PTPRT: variants seen among roughly 807,000 people sequenced by gnomAD.
PTPRT encodes receptor-type tyrosine-protein phosphatase T.
A neutral mutation model predicts 176.8 loss-of-function variants in PTPRT; 56 were observed. The observed-to-expected ratio is 0.32, with a 90% CI of 0.26 to 0.40. The LOEUF (loss-of-function observed/expected upper bound fraction) is 0.40. Among genes scored for constraint, PTPRT ranks in the 10% least tolerant of loss-of-function variants. PTPRT has a pLI of 1.00. For synonymous variants in PTPRT, 783 were observed against 739.0 expected, an observed-to-expected ratio of 1.06 and a Z score of -0.96; for missense variants, 1,540 against 1,908.2, an observed-to-expected ratio of 0.81 and a Z score of 3.60.
intron 7 of PTPRT, among the ~76,000 whole-genome samples, chr20:42,595,248 T>C (rs1449005847): frequency 6.6e-6 from 1 of 152,006 alleles, no homozygotes; most frequent in Non-Finnish European, 1.5e-5. Context: ...ATTCACACCA[T>C]CCCTCTTGTG....
At chr20:42,827,622 C>A (rs2078017304) in intron 2 of PTPRT, among the ~76,000 whole-genome samples, 6 of 152,176 alleles carry the variant, frequency 3.9e-5, no homozygotes, top group Admixed American at 3.9e-4. Flanking sequence ...CCACCCAAAT[C>A]TCATTGTGAA....
At chr20:42,092,818 G>C (rs962466577) in intron 27 of PTPRT, among the ~76,000 whole-genome samples, 1 of 152,192 alleles carries the variant, frequency 6.6e-6, no homozygotes, top group Non-Finnish European at 1.5e-5. Context: ...TGAGGAGCTT[G>C]CCTCTCTCAC....
At chr20:42,406,478 C>A (rs996893072) in intron 9 of PTPRT, among the ~76,000 whole-genome samples, 1 of 151,960 alleles carries the variant, frequency 6.6e-6, no homozygotes, top group African/African-American at 2.4e-5. Flanking sequence ...AAGAAAATCA[C>A]GTAACAGTTT....
At chr20:42,392,757 A>C (rs1334953333) in intron 9 of PTPRT, among the ~76,000 whole-genome samples, 1 of 152,208 alleles carries the variant, frequency 6.6e-6, no homozygotes, top group African/African-American at 2.4e-5. Context: ...GGTGGAATTC[A>C]CATGGAAAAG....
At chr20:42,899,394 C>G (rs915448870) in intron 1 of PTPRT, among the ~76,000 whole-genome samples, 1 of 152,194 alleles carries the variant, frequency 6.6e-6, no homozygotes, top group Non-Finnish European at 1.5e-5. Context: ...AAGCTCTTCA[C>G]GGTCTCAGGG....
At chr20:42,367,847 AGCCTGGG>A (rs2058535690) in intron 9 of PTPRT, among the ~76,000 whole-genome samples, 1 of 152,212 alleles carries the variant, frequency 6.6e-6, no homozygotes, top group Non-Finnish European at 1.5e-5. Flanking sequence ...TTAGGCATCT[AGCCTGGG>A]TGGCATGGGG....
intron 17 of PTPRT, among the ~76,000 whole-genome samples, chr20:42,145,497 CATAG>C (rs59838948): frequency 0.015 from 2,187 of 144,536 alleles, 26 homozygotes; most frequent in East Asian, 0.043. Flanking sequence ...GACTTTGTCT[CATAG>C]ATAGATAGAT....
At chr20:42,770,389 C>T (rs781333319) in intron 5 of PTPRT, among the ~76,000 whole-genome samples, 3 of 152,232 alleles carry the variant, frequency 2.0e-5, no homozygotes, top group Non-Finnish European at 1.5e-5. Flanking sequence ...CTGTGCTGCC[C>T]CAAAAACTTG....
At chr20:42,893,214 A>C (rs2079226463) in intron 1 of PTPRT, among the ~76,000 whole-genome samples, 1 of 152,256 alleles carries the variant, frequency 6.6e-6, no homozygotes, top group Non-Finnish European at 1.5e-5. Flanking sequence ...ATGAACAGAC[A>C]CTTCTCAAAA....
At position 42,578,568 on chromosome 20, in the gene PTPRT, ATC is replaced by A. The variant is rs1299225273; in HGVS notation, c.1153+99296_1153+99297del. On this transcript the variant is annotated intron_variant, in intron 7 of 30. Coordinates refer to ENST00000373187, the MANE Select transcript of PTPRT (RefSeq NM_007050.6). The stretch of plus-strand genomic sequence containing the variant: ...TTCTTCCCCATCTCACTTGGCAGCA[ATC>A]TCATCCTTCCAGTTGCCCAGGCCTA... Among the ~76,000 whole-genome samples, 117 of 152,154 alleles carry A rather than the reference ATC, an allele frequency of 7.7e-4. 1 individual carries two copies. The highest frequency in any genetic ancestry group is 2.7e-3 in the African/African-American group (112 of 41,534).
chr20:42,436,949 ATTAAAAG>A (rs2059267386), intron 9 of PTPRT, among the ~76,000 whole-genome samples: 1 of 152,246 alleles, frequency 6.6e-6, no homozygotes. Context: ...AAAATCCTTT[ATTAAAAG>A]TTAAAACACT....
chr20:42,464,390 A>G lies in PTPRT; in HGVS notation c.1450+7876T>C, dbSNP rs571245182. On this transcript the variant is annotated intron_variant, in intron 8 of 30. Transcript: ENST00000373187. Reference sequence around the variant, plus strand: ...ACAGCATGAGGTAGAGAAAAATAAAACAGAGAACAGCGGTAGAGGTTTTGG... The same window carrying G: ...ACAGCATGAGGTAGAGAAAAATAAAGCAGAGAACAGCGGTAGAGGTTTTGG... Among the ~76,000 whole-genome samples, 3 of 152,320 alleles carry G rather than the reference A, an allele frequency of 2.0e-5. No individual in the cohort carries two copies. The South Asian group carries it at 6.2e-4, about 32-fold the overall frequency.
At chr20:42,685,005 C>T (rs888476673) in intron 6 of PTPRT, among the ~76,000 whole-genome samples, 9 of 152,102 alleles carry the variant, frequency 5.9e-5, no homozygotes, top group Middle Eastern at 3.2e-3. Context: ...TGGGTAGATA[C>T]CCATCCAAAG....
intron 1 of PTPRT, among the ~76,000 whole-genome samples, chr20:43,015,639 C>G (rs1002584788): frequency 1.3e-5 from 2 of 152,108 alleles, no homozygotes; most frequent in Non-Finnish European, 2.9e-5. Flanking sequence ...GCCTGGCAGG[C>G]CTCCCGCACT....
At chr20:43,007,746 G>A (rs1357773065) in intron 1 of PTPRT, among the ~76,000 whole-genome samples, 2 of 152,184 alleles carry the variant, frequency 1.3e-5, no homozygotes, top group Non-Finnish European at 2.9e-5. Context: ...AATGCAGGCA[G>A]AATCATTCCC....
At chr20:42,120,377 C>A (rs1286299395) in intron 19 of PTPRT, among the ~76,000 whole-genome samples, 1 of 151,960 alleles carries the variant, frequency 6.6e-6, no homozygotes, top group Non-Finnish European at 1.5e-5. Flanking sequence ...TATGGGACAC[C>A]CAGAGAAGAA....
At chr20:42,629,425 A>G (rs1044198642) in intron 7 of PTPRT, among the ~76,000 whole-genome samples, 8 of 152,190 alleles carry the variant, frequency 5.3e-5, no homozygotes, top group Admixed American at 2.6e-4. Context: ...GGTGAGTGCT[A>G]TTGAGCACCT....
chr20:42,512,017 GC>G (rs1170727970), intron 7 of PTPRT, among the ~76,000 whole-genome samples: 3 of 152,078 alleles, frequency 2.0e-5, no homozygotes, highest in Non-Finnish European at 4.4e-5. Flanking sequence ...CCTGAGCTGA[GC>G]CATCTGTCTT....
chr20:42,240,933 A>G (rs73909241), intron 14 of PTPRT, among the ~76,000 whole-genome samples: 1,926 of 152,348 alleles, frequency 0.013, 45 homozygotes, highest in African/African-American at 0.044. Context: ...CTGGGAGATC[A>G]ATCATGTGTC....
Sources: gnomAD v4.1 joint callset for allele counts (sites outside exome capture counted in the v4.1 genomes callset) on GRCh38, gnomAD v4.1.1 for gene constraint, MANE v1.5 for transcripts, NCBI Gene and HGNC (gene_info 2026-07-23, HGNC 2026-07-21) for gene names.